Variants in PLSCR2 observed in about 807,000 individuals in gnomAD.
PLSCR2 encodes PL scramblase 2.
In PLSCR2, 18 loss-of-function variants were observed where a neutral mutation model predicts 25.3. That is an observed-to-expected ratio of 0.71 (90% confidence interval 0.49 to 1.06). The LOEUF (loss-of-function observed/expected upper bound fraction) is 1.06, where lower values mean the gene tolerates loss of function less well. PLSCR2 is among the 50% of genes least tolerant of loss of function. PLSCR2 has a pLI of 0.00. For synonymous variants in PLSCR2, 88 were observed against 87.3 expected (o/e 1.01, Z -0.04); for missense variants, 243 against 269.5 (o/e 0.90, Z 0.69).
chr3:146,425,870 AG>A (rs1159434709), intron 2 of PLSCR2, among the ~76,000 whole-genome samples: 1 of 152,154 alleles, frequency 6.6e-6, no homozygotes, highest in East Asian at 1.9e-4. Flanking sequence ...ATATAATGGC[AG>A]AAAGATGAGC....
At chr3:146,457,951 C>T (rs1489153038) in intron 3 of PLSCR2, among the ~76,000 whole-genome samples, 1 of 152,164 alleles carries the variant, frequency 6.6e-6, no homozygotes, top group African/African-American at 2.4e-5. Context: ...CTAGGCTACT[C>T]AAGTCCCTGA....
chr3:146,473,296 G>A (rs967077624), intron 1 of PLSCR2, among the ~76,000 whole-genome samples: 5 of 138,634 alleles, frequency 3.6e-5, no homozygotes, highest in African/African-American at 1.1e-4. Context: ...CTGAAGAAAA[G>A]TACTATCTTT....
chr3:146,411,157 G>C (rs949715447), intron 2 of PLSCR2, among the ~76,000 whole-genome samples: 1 of 152,112 alleles, frequency 6.6e-6, no homozygotes, highest in African/African-American at 2.4e-5. Flanking sequence ...GAGAAAGAGA[G>C]AGAGACCAGT....
chr3:146,424,108 G>T (rs919917799), intron 2 of PLSCR2, among the ~76,000 whole-genome samples: 1 of 147,526 alleles, frequency 6.8e-6, no homozygotes, highest in Admixed American at 7.1e-5. Flanking sequence ...CATTCTGCAC[G>T]TGTATCCCAG....
downstream of PLSCR2, among the ~76,000 whole-genome samples, chr3:146,429,160 C>T (rs1256856371): frequency 6.6e-6 from 1 of 152,138 alleles, no homozygotes; most frequent in Non-Finnish European, 1.5e-5. Context: ...AAGCATAGTG[C>T]CAGCATCTGC....
downstream of PLSCR2, among the ~76,000 whole-genome samples, chr3:146,438,610 TG>T (rs2040035298): frequency 1.3e-5 from 2 of 152,214 alleles, no homozygotes; most frequent in Admixed American, 1.3e-4. Flanking sequence ...TGCTTTTTTT[TG>T]TTTTCCATTT....
At chr3:146,464,059 C>T (rs969455398), upstream of PLSCR2, 15 of 757,204 alleles carry the variant, frequency 2.0e-5, no homozygotes, top group Non-Finnish European at 2.3e-5. Flanking sequence ...TTAGAACAAT[C>T]GGAATCCAGT....
intron 2 of PLSCR2, among the ~76,000 whole-genome samples, chr3:146,402,292 G>A (rs955201456): frequency 6.6e-6 from 1 of 152,014 alleles, no homozygotes; most frequent in South Asian, 2.1e-4. Context: ...AAATCATGTG[G>A]ACAGTAATTA....
chr3:146,473,456 C>CTT (rs2042185914), intron 1 of PLSCR2, among the ~76,000 whole-genome samples: 1 of 152,032 alleles, frequency 6.6e-6, no homozygotes, highest in East Asian at 1.9e-4. Context: ...CAGGCACCTG[C>CTT]TACCACGCCT....
At chr3:146,441,705 T>A (rs1241264780), downstream of PLSCR2, 2 of 867,346 alleles carry the variant, frequency 2.3e-6, no homozygotes, top group Non-Finnish European at 3.7e-6. Context: ...ACTGAATTTT[T>A]CTTTTAGATA....
intron 8 of PLSCR2, among the ~76,000 whole-genome samples, chr3:146,435,844 G>C (rs2039815956): frequency 6.6e-6 from 1 of 152,112 alleles, no homozygotes; most frequent in Admixed American, 6.6e-5. Context: ...TGAAGTACTT[G>C]CCCATGCCTA....
chr3:146,406,798 CCTT>C (rs2038673492), intron 2 of PLSCR2, among the ~76,000 whole-genome samples: 1 of 152,012 alleles, frequency 6.6e-6, no homozygotes, highest in African/African-American at 2.4e-5. Context: ...AGGAGTGAGT[CCTT>C]CTTTCTGGAA....
chr3:146,460,294 G>A, exon 1 of PLSCR2: 1 of 1,148,678 alleles, frequency 8.7e-7, no homozygotes, highest in Non-Finnish European at 1.1e-6. Context: ...ACTGTGAATA[G>A]AGTCGGCCTA....
intron 2 of PLSCR2, among the ~76,000 whole-genome samples, chr3:146,424,411 T>A (rs920177623): frequency 3.3e-5 from 5 of 152,006 alleles, no homozygotes; most frequent in Non-Finnish European, 5.9e-5. Context: ...AACATATGAA[T>A]TTTTGGGGGA....
chr3:146,483,469 A>G (rs2043216019), intron 1 of PLSCR2, among the ~76,000 whole-genome samples: 1 of 53,614 alleles, frequency 1.9e-5, no homozygotes, highest in African/African-American at 9.0e-5. Flanking sequence ...ATATATATAT[A>G]TATACATGTG....
intron 5 of PLSCR2, among the ~76,000 whole-genome samples, chr3:146,453,784 A>G (rs2041034163): frequency 1.3e-5 from 2 of 152,116 alleles, no homozygotes; most frequent in African/African-American, 4.8e-5. Flanking sequence ...TTTTTATTTG[A>G]CTACAGAGCT....
intron 6 of PLSCR2, among the ~76,000 whole-genome samples, chr3:146,446,513 G>C (rs537586967): frequency 6.6e-6 from 1 of 152,218 alleles, no homozygotes; most frequent in Admixed American, 6.5e-5. Flanking sequence ...CCCCAACAAG[G>C]AGCGTCTCTG....
chr3:146,471,770 T>A (rs2042128641), intron 1 of PLSCR2, among the ~76,000 whole-genome samples: 1 of 152,156 alleles, frequency 6.6e-6, no homozygotes, highest in Non-Finnish European at 1.5e-5. Context: ...TTTCCCCATG[T>A]TGGCCAGGCT....
intron 2 of PLSCR2, among the ~76,000 whole-genome samples, chr3:146,400,771 A>G (rs2038442373): frequency 6.6e-6 from 1 of 151,832 alleles, no homozygotes; most frequent in Non-Finnish European, 1.5e-5. Context: ...TGTCCTGATG[A>G]TCCTAGCTCC....
Sources: gnomAD v4.1 joint callset for allele counts (sites outside exome capture counted in the v4.1 genomes callset) on GRCh38, gnomAD v4.1.1 for gene constraint, MANE v1.5 for transcripts, NCBI Gene and HGNC (gene_info 2026-07-23, HGNC 2026-07-21) for gene names.